The following LRP1B variants were observed in gnomAD, a reference collection of about 807,000 sequenced individuals.
The protein encoded by LRP1B is LDL receptor related protein 1B.
LRP1B carries 217 observed loss-of-function variants against 556.6 expected under a neutral mutation model. That is an observed-to-expected ratio of 0.39 (90% confidence interval 0.35 to 0.44). LRP1B has a LOEUF of 0.44. Ranked by LOEUF, LRP1B falls within the 20% of genes least tolerant of loss-of-function variation. The probability of loss-of-function intolerance (pLI) is 1.00; values close to 1 mark genes in which losing one functional copy is unlikely to be tolerated. For missense variants in LRP1B, 5,053 were observed against 5,620.8 expected (o/e 0.90, Z 3.23); for synonymous variants, 2,047 against 1,865.8 (o/e 1.10, Z -2.50).
intron 2 of LRP1B, among the ~76,000 whole-genome samples, chr2:141,690,398 T>TAAATATATAC (rs3039235): frequency 3.6e-5 from 1 of 28,160 alleles, no homozygotes; most frequent in Admixed American, 4.0e-4. Flanking sequence ...CATCTATAAA[T>TAAATATATAC]ATATATATAT....
At chr2:141,910,204 C>T (rs1398647392) in intron 1 of LRP1B, among the ~76,000 whole-genome samples, 1 of 149,760 alleles carries the variant, frequency 6.7e-6, no homozygotes, top group East Asian at 2.0e-4. Flanking sequence ...TGCATTTTCT[C>T]TTTGAAACCA....
chr2:140,275,854 AC>A (rs1289688263), intron 84 of LRP1B, among the ~76,000 whole-genome samples: 70 of 152,064 alleles, frequency 4.6e-4, no homozygotes, highest in African/African-American at 1.6e-3. Flanking sequence ...ATATTTCTAT[AC>A]CCCTTGAACA....
At chr2:140,510,677 G>A (rs941311715) in intron 51 of LRP1B, among the ~76,000 whole-genome samples, 1 of 152,064 alleles carries the variant, frequency 6.6e-6, no homozygotes, top group Non-Finnish European at 1.5e-5. Context: ...TCTCCATCTT[G>A]TAGTACCAAA....
intron 3 of LRP1B, among the ~76,000 whole-genome samples, chr2:141,309,647 A>C (rs578238575): frequency 1.3e-5 from 2 of 152,236 alleles, no homozygotes; most frequent in South Asian, 4.2e-4. Flanking sequence ...CTCACTCATA[A>C]GTAGGAGTTG....
At chr2:141,065,800 T>C (rs923188822) in intron 7 of LRP1B, among the ~76,000 whole-genome samples, 4 of 151,800 alleles carry the variant, frequency 2.6e-5, no homozygotes, top group African/African-American at 9.7e-5. Context: ...CTTAACTCTC[T>C]TAACTTCCAG....
chr2:141,724,729 G>A (rs1309632815), intron 2 of LRP1B, among the ~76,000 whole-genome samples: 1 of 151,872 alleles, frequency 6.6e-6, no homozygotes, highest in African/African-American at 2.4e-5. Context: ...GAGAAGGAAA[G>A]TAAAAATGAT....
At chr2:140,642,369 T>C (rs1200912163) in intron 41 of LRP1B, among the ~76,000 whole-genome samples, 1 of 152,220 alleles carries the variant, frequency 6.6e-6, no homozygotes, top group Admixed American at 6.5e-5. Context: ...GAGCCCCATC[T>C]GAACTTCGTG....
chr2:141,640,895 A>G (rs1689306129), intron 2 of LRP1B, among the ~76,000 whole-genome samples: 1 of 152,084 alleles, frequency 6.6e-6, no homozygotes, highest in Non-Finnish European at 1.5e-5. Context: ...CTTTACACAG[A>G]GCAATTGCAT....
intron 1 of LRP1B, among the ~76,000 whole-genome samples, chr2:141,934,480 T>C (rs542428556): frequency 6.6e-6 from 1 of 152,252 alleles, no homozygotes; most frequent in East Asian, 1.9e-4. Flanking sequence ...AATTGTAGAA[T>C]TTACTAATAA....
At chr2:140,579,993 G>T (rs1681697439) in intron 43 of LRP1B, among the ~76,000 whole-genome samples, 2 of 152,144 alleles carry the variant, frequency 1.3e-5, no homozygotes, top group African/African-American at 2.4e-5. Flanking sequence ...AAAATCCATT[G>T]TTCTCTATTT....
intron 1 of LRP1B, among the ~76,000 whole-genome samples, chr2:142,050,192 CATAT>C (rs749763705): frequency 6.6e-6 from 1 of 152,202 alleles, no homozygotes; most frequent in Non-Finnish European, 1.5e-5. Flanking sequence ...AGAGAAATTT[CATAT>C]ATAGTCATAT....
At chr2:141,070,721 A>G (rs2105482190) in intron 7 of LRP1B, among the ~76,000 whole-genome samples, 1 of 152,220 alleles carries the variant, frequency 6.6e-6, no homozygotes, top group South Asian at 2.1e-4. Context: ...AGAATACTAC[A>G]AACACCTCTA....
At chr2:140,790,903 C>A (rs1254835490) in intron 32 of LRP1B, among the ~76,000 whole-genome samples, 1 of 151,354 alleles carries the variant, frequency 6.6e-6, no homozygotes, top group Non-Finnish European at 1.5e-5. Context: ...AAGTTTGAGA[C>A]CAGCCTAGGC....
chr2:140,740,179 T>C (rs1688089503), intron 35 of LRP1B, among the ~76,000 whole-genome samples: 2 of 152,110 alleles, frequency 1.3e-5, no homozygotes, highest in Non-Finnish European at 2.9e-5. Context: ...GGTATCTATC[T>C]AGAGGAAAAA....
intron 2 of LRP1B, among the ~76,000 whole-genome samples, chr2:141,791,000 A>T (rs56280101): frequency 4.6e-5 from 7 of 151,820 alleles, no homozygotes; most frequent in African/African-American, 1.7e-4. Flanking sequence ...AATTTTCTGA[A>T]CCCCATCTTT....
chr2:141,353,963 G>T (rs1234957563), intron 3 of LRP1B, among the ~76,000 whole-genome samples: 1 of 151,854 alleles, frequency 6.6e-6, no homozygotes, highest in African/African-American at 2.4e-5. Flanking sequence ...GATTTCTGAA[G>T]ACAGTATAAT....
chr2:141,387,146 G>GA (rs1689860583), intron 3 of LRP1B, among the ~76,000 whole-genome samples: 1 of 151,828 alleles, frequency 6.6e-6, no homozygotes, highest in Admixed American at 6.6e-5. Flanking sequence ...ATACCTAAAA[G>GA]ACAAATGAAA....
intron 3 of LRP1B, among the ~76,000 whole-genome samples, chr2:141,320,216 A>G (rs1447097911): frequency 6.6e-6 from 1 of 152,094 alleles, no homozygotes; most frequent in Non-Finnish European, 1.5e-5. Context: ...GTGTCTACTC[A>G]TTTATTTTAA....
chr2:141,473,567 T>C (rs1049580244), intron 3 of LRP1B, among the ~76,000 whole-genome samples: 1 of 152,168 alleles, frequency 6.6e-6, no homozygotes, highest in African/African-American at 2.4e-5. Flanking sequence ...GGCTTGAGAC[T>C]ATCTGATCAC....
Sources: allele counts gnomAD v4.1 joint callset (sites outside exome capture counted in the v4.1 genomes callset), GRCh38; gene constraint gnomAD v4.1.1; transcripts MANE v1.5; gene names NCBI Gene and HGNC (gene_info 2026-07-23, HGNC 2026-07-21).